KSR1: variants seen among roughly 807,000 people sequenced by gnomAD.
KSR1 encodes kinase suppressor of ras.
Under a neutral mutation model 92.9 loss-of-function variants are expected in KSR1, and 35 were observed. The observed-to-expected ratio is 0.38, with a 90% confidence interval of 0.29 to 0.50. The LOEUF (loss-of-function observed/expected upper bound fraction) is 0.50. Ranked by LOEUF, KSR1 falls within the 20% of genes least tolerant of loss-of-function variation. The pLI is 0.94. For synonymous variants in KSR1, 467 were observed against 472.6 expected, an observed-to-expected ratio of 0.99 and a Z score of 0.15; for missense variants, 972 against 1,158.5, an observed-to-expected ratio of 0.84 and a Z score of 2.34.
chr17:27,486,896 C>A (rs1446629517), intron 1 of KSR1, among the ~76,000 whole-genome samples: 1 of 152,162 alleles, frequency 6.6e-6, no homozygotes, highest in East Asian at 1.9e-4. Flanking sequence ...ACATTCAGAC[C>A]CTCTGCGCTG....
intron 1 of KSR1, among the ~76,000 whole-genome samples, chr17:27,484,646 G>C (rs1247442791): frequency 6.8e-6 from 1 of 147,924 alleles, no homozygotes; most frequent in Non-Finnish European, 1.5e-5. Flanking sequence ...TATCCAGTGT[G>C]ATGGGGAGGT....
Position 27,498,223 on chromosome 17 carries a change from G to A in KSR1, c.231+41349G>A, listed in dbSNP as rs62057781. On this transcript the variant is annotated intron_variant, in intron 1 of 20. Coordinates refer to ENST00000644974, the MANE Select transcript of KSR1 (RefSeq NM_001394583.1). ...CGGGCGCCTGTGGTCCCAGCTACTC[G>A]GGAGGCTGAGGCAGGAGAATGGCAT... Among the ~76,000 whole-genome samples the A allele has an allele frequency of 1.3e-3, 202 of 151,800 alleles. 1 individual carries two copies. The highest frequency in any genetic ancestry group is 1.4e-3 in the Non-Finnish European group (92 of 67,900).
chr17:27,476,054 C>T (rs1348677129), intron 1 of KSR1, among the ~76,000 whole-genome samples: 1 of 152,128 alleles, frequency 6.6e-6, no homozygotes, highest in Admixed American at 6.5e-5. Context: ...AATTGCATTC[C>T]TTCATTTATT....
intron 2 of KSR1, among the ~76,000 whole-genome samples, chr17:27,564,465 A>G (rs1186881551): frequency 1.3e-5 from 2 of 152,216 alleles, no homozygotes; most frequent in Non-Finnish European, 2.9e-5. Flanking sequence ...GAGACTTACC[A>G]GTTTAGGCAA....
In KSR1 at chr17:27,609,347, G is replaced by A. The variant is rs748167526; in HGVS notation, c.2225+18G>A. On this transcript the variant is annotated intron_variant, in intron 16 of 20. Transcript: ENST00000644974. ...GAGGGACGGTGAGTTGGTCTTGAGTGTCTGGGTGGGTTGTGGGTGCTGGAT... is the reference window on the plus strand; with the variant it reads ...GAGGGACGGTGAGTTGGTCTTGAGTATCTGGGTGGGTTGTGGGTGCTGGAT... 61 of 1,613,272 alleles carry A rather than the reference G, an allele frequency of 3.8e-5. 1 individual carries two copies. The highest frequency in any genetic ancestry group is 3.3e-5 in the South Asian group (3 of 91,074).
chr17:27,468,947 C>T (rs1194783049), intron 1 of KSR1, among the ~76,000 whole-genome samples: 2 of 152,212 alleles, frequency 1.3e-5, no homozygotes, highest in Non-Finnish European at 2.9e-5. Flanking sequence ...CCAGTCCATT[C>T]TTGCCCATGC....
intron 1 of KSR1, among the ~76,000 whole-genome samples, chr17:27,471,433 G>A (rs1014679969): frequency 6.6e-6 from 1 of 152,154 alleles, no homozygotes; most frequent in African/African-American, 2.4e-5. Flanking sequence ...GCTGAGTCTT[G>A]AAAGATGAGA....
chr17:27,515,683 C>G (rs1385201889), intron 1 of KSR1, among the ~76,000 whole-genome samples: 3 of 143,572 alleles, frequency 2.1e-5, no homozygotes, highest in Non-Finnish European at 3.0e-5. Context: ...GCATTTACCT[C>G]TAGAAACCTG....
intron 1 of KSR1, among the ~76,000 whole-genome samples, chr17:27,534,467 T>TC (rs946354315): frequency 4.4e-4 from 67 of 152,276 alleles, no homozygotes; most frequent in African/African-American, 1.6e-3. Flanking sequence ...ATCCCCCTCT[T>TC]CCCCCATTTT....
intron 1 of KSR1, among the ~76,000 whole-genome samples, chr17:27,517,722 A>G (rs2069857981): frequency 6.6e-6 from 1 of 152,122 alleles, no homozygotes; most frequent in South Asian, 2.1e-4. Context: ...TTGAAGGTAG[A>G]TTGGTTTTCC....
chr17:27,508,709 T>TTTA (rs1555572324), intron 1 of KSR1, among the ~76,000 whole-genome samples: 48,915 of 138,036 alleles, frequency 0.35, 9,996 homozygotes, highest in East Asian at 0.62. Context: ...CCTGAATTTT[T>TTTA]TTTATTTATT....
At chr17:27,601,888 C>G (rs2073575132) in intron 11 of KSR1, 1 of 1,606,874 alleles carries the variant, frequency 6.2e-7, no homozygotes. Flanking sequence ...TGCCTTACCA[C>G]ACAGTGCCAT....
At chr17:27,563,072 T>C (rs2071898314) in intron 2 of KSR1, among the ~76,000 whole-genome samples, 1 of 152,154 alleles carries the variant, frequency 6.6e-6, no homozygotes. Context: ...GGGTCTCAAG[T>C]CCTTTTGCAT....
At position 27,504,418 on chromosome 17, in the gene KSR1, T is replaced by TG. The variant is rs945896189; in HGVS notation, c.232-46143dup. Among the ~76,000 whole-genome samples the TG allele has an allele frequency of 1.4e-4, 22 of 151,910 alleles. 1 individual carries two copies. Among genetic ancestry groups the TG allele is most frequent in the African/African-American group, 4.8e-4 (20 of 41,378 alleles). On this transcript the variant is annotated intron_variant, in intron 1 of 20. Transcript: ENST00000644974. The stretch of plus-strand genomic sequence containing the variant: ...CACGTTTGTTGAGTGAGTTGGGATA[T>TG]GGGGGGGAGAAGGCAGACAGTGAGC...
At position 27,597,442 on chromosome 17, in the gene KSR1, A is replaced by G. The variant is rs953923049; in HGVS notation, c.1468+6A>G. 9 of 1,597,236 alleles carry G rather than the reference A, an allele frequency of 5.6e-6. No individual in the cohort carries two copies. Among genetic ancestry groups the G allele is most frequent in the Non-Finnish European group, 7.7e-6 (9 of 1,169,678 alleles). On this transcript the variant is annotated splice_donor_region_variant and intron_variant, in intron 10 of 20. Transcript: ENST00000644974. Reference sequence around the variant, plus strand: ...CAGCAGGTTCAACTTCCCAGGTACCACATCTCCAGGCTTTTCTGGGTTCTA... The same window carrying G: ...CAGCAGGTTCAACTTCCCAGGTACCGCATCTCCAGGCTTTTCTGGGTTCTA...
chr17:27,500,066 C>T (rs903395224), intron 1 of KSR1, among the ~76,000 whole-genome samples: 4 of 152,178 alleles, frequency 2.6e-5, no homozygotes, highest in African/African-American at 4.8e-5. Context: ...TGCCGTTCTG[C>T]GTTATGGCAT....
At chr17:27,540,515 G>C (rs1248427758) in intron 1 of KSR1, among the ~76,000 whole-genome samples, 1 of 152,242 alleles carries the variant, frequency 6.6e-6, no homozygotes, top group Non-Finnish European at 1.5e-5. Flanking sequence ...CTAGTGGGAG[G>C]CTTGGCGGGG....
At chr17:27,603,068 C>T (rs1015436242) in intron 11 of KSR1, among the ~76,000 whole-genome samples, 4 of 152,228 alleles carry the variant, frequency 2.6e-5, no homozygotes, top group African/African-American at 4.8e-5. Context: ...GGGAGTGAGC[C>T]GTCCATGGCG....
chr17:27,482,144 G>C (rs2150945095), intron 1 of KSR1, among the ~76,000 whole-genome samples: 1 of 152,236 alleles, frequency 6.6e-6, no homozygotes. Flanking sequence ...ACATCTCCAG[G>C]CCAGGCGTGG....
Sources: gnomAD v4.1 joint callset for allele counts (sites outside exome capture counted in the v4.1 genomes callset) on GRCh38, gnomAD v4.1.1 for gene constraint, MANE v1.5 for transcripts, NCBI Gene and HGNC (gene_info 2026-07-23, HGNC 2026-07-21) for gene names.